KIDINS220: variants seen among roughly 807,000 people sequenced by gnomAD.
KIDINS220 encodes the protein kinase D interacting substrate 220.
A neutral mutation model predicts 157.6 loss-of-function variants in KIDINS220; 63 were observed. The observed-to-expected ratio is 0.40, with a 90% CI of 0.33 to 0.49. The LOEUF is 0.49. Ranked by LOEUF, KIDINS220 falls within the 20% of genes least tolerant of loss-of-function variation. KIDINS220 has a pLI of 0.66. For missense variants in KIDINS220, 1,772 were observed against 2,171.2 expected (o/e 0.82, Z 3.65); for synonymous variants, 732 against 783.6 (o/e 0.93, Z 1.10).
chr2:8,770,036 A>G (rs1164044506), intron 22 of KIDINS220, among the ~76,000 whole-genome samples: 1 of 152,230 alleles, frequency 6.6e-6, no homozygotes, highest in Non-Finnish European at 1.5e-5. Flanking sequence ...TAGGAACTAG[A>G]AAAATAGGAA....
chr2:8,731,320 A>G lies in KIDINS220; in HGVS notation c.4716T>C (p.Tyr1572=), dbSNP rs778720923. Reference sequence around the variant, plus strand: ...TTTTGTCAAGGAGCGCATCCGATAAATACTCTTTGGCTTTAATGAAGGTTC... The same window carrying G: ...TTTTGTCAAGGAGCGCATCCGATAAGTACTCTTTGGCTTTAATGAAGGTTC... The part of the protein sequence containing the change: ...PIRTFIKAKE[Y]LSDALLDKKD... Residue 1572 remains tyrosine (Y), a synonymous_variant, in exon 30 of 30, where the codon TAT becomes TAC. Transcript: ENST00000256707. This position sits in a 1 kb window ranked among gnomAD's most constrained non-coding sequence, Gnocchi z 5.2. 3 of 1,614,010 alleles carry G rather than the reference A, an allele frequency of 1.9e-6. No individual in the cohort carries two copies. The African/African-American group carries it at 4.0e-5, about 22-fold the overall frequency.
At chr2:8,799,145 A>G (rs1674355714) in intron 9 of KIDINS220, among the ~76,000 whole-genome samples, 1 of 152,032 alleles carries the variant, frequency 6.6e-6, no homozygotes, top group African/African-American at 2.4e-5. Context: ...CATGCCTACC[A>G]TCCCACTGCC....
chr2:8,766,503 G>A (rs989079476), intron 22 of KIDINS220, among the ~76,000 whole-genome samples: 1 of 152,094 alleles, frequency 6.6e-6, no homozygotes, highest in Non-Finnish European at 1.5e-5. Flanking sequence ...TATTATATAT[G>A]TTGTTTATTA....
intron 22 of KIDINS220, among the ~76,000 whole-genome samples, chr2:8,762,575 A>G (rs1668895951): frequency 6.6e-6 from 1 of 152,082 alleles, no homozygotes; most frequent in Non-Finnish European, 1.5e-5. Context: ...GTCTCTATTA[A>G]AAATACAAAA....
At chr2:8,742,665 TGAG>T (rs2148003215) in intron 26 of KIDINS220, among the ~76,000 whole-genome samples, 1 of 152,328 alleles carries the variant, frequency 6.6e-6, no homozygotes, top group Admixed American at 6.5e-5. Flanking sequence ...ACCCTGTAGC[TGAG>T]GAGGTCAAGA....
chr2:8,749,042 C>G (rs757015303), intron 24 of KIDINS220, among the ~76,000 whole-genome samples: 4 of 152,158 alleles, frequency 2.6e-5, no homozygotes, highest in Non-Finnish European at 4.4e-5. Context: ...GCCTACCACA[C>G]AGTTAAATTT....
At chr2:8,723,220 G>C (rs1660805202), downstream of KIDINS220, 1 of 152,262 alleles carries the variant, frequency 6.6e-6, no homozygotes, top group Admixed American at 6.5e-5. Context: ...GAAGGCCAAT[G>C]GACTGTGGGT....
intron 10 of KIDINS220, 126 bp from the exon 11 acceptor site, chr2:8,796,995 A>T (rs1215479342): frequency 1.6e-5 from 12 of 733,412 alleles, no homozygotes; most frequent in Non-Finnish European, 2.6e-5. Context: ...CTCTCAAGAA[A>T]ACATAAAAGC....
At chr2:8,798,158 T>C (rs747120825) in intron 10 of KIDINS220, 44 bp downstream of exon 10, 5 of 1,143,252 alleles carry the variant, frequency 4.4e-6, no homozygotes, top group Non-Finnish European at 6.6e-6. Context: ...AGTACTAACA[T>C]TCAGCATAAG....
chr2:8,750,260 G>C lies in KIDINS220; in HGVS notation c.3266C>G (p.Pro1089Arg). 1 of 1,613,894 alleles carries C rather than the reference G, an allele frequency of 6.2e-7. No homozygotes were observed. The highest frequency in any genetic ancestry group is 8.5e-7 in the Non-Finnish European group (1 of 1,179,878). Residue 1089 changes from proline (P) to arginine (R), a missense_variant, in exon 24 of 30, where the codon CCT becomes CGT. Around this residue, in one of 3 missense-constraint regions of KIDINS220, gnomAD observed 793 missense variants for 885.5 expected, o/e 0.90. Coordinates refer to ENST00000256707, the MANE Select transcript of KIDINS220 (RefSeq NM_020738.4). ...CTGGCTGTACCCTGATGGCGCCCTAGGAGGACCCTCATGTAGAGGGAGCGG... is the reference window on the plus strand; with the variant it reads ...CTGGCTGTACCCTGATGGCGCCCTACGAGGACCCTCATGTAGAGGGAGCGG... ...YPPLPLHEGP[P>R]RAPSGYSQPP... is the part of the protein sequence containing the mutation.
intron 15 of KIDINS220, 69 bp from the exon 16 acceptor site, chr2:8,786,426 T>A: frequency 8.3e-7 from 1 of 1,200,526 alleles, no homozygotes; most frequent in South Asian, 1.3e-5. Flanking sequence ...ATGTATGTCA[T>A]CTTTGCATCA....
intron 12 of KIDINS220, among the ~76,000 whole-genome samples, 172 bp from the exon 13 acceptor site, chr2:8,791,396 T>G (rs562348055): frequency 1.3e-5 from 2 of 152,366 alleles, no homozygotes; most frequent in Admixed American, 1.3e-4. Context: ...GAAGGCTACC[T>G]GATTTAAAAT....
intron 23 of KIDINS220, 120 bp downstream of exon 23, chr2:8,751,346 G>C (rs2148053119): frequency 1.5e-6 from 1 of 681,754 alleles, no homozygotes; most frequent in East Asian, 3.1e-5. Flanking sequence ...TTTCTGTGTA[G>C]TGCTTAGTTC....
At chr2:8,778,481 T>A (rs946590695) in intron 20 of KIDINS220, among the ~76,000 whole-genome samples, 158 bp downstream of exon 20, 7 of 152,228 alleles carry the variant, frequency 4.6e-5, no homozygotes, top group African/African-American at 1.7e-4. Flanking sequence ...GTGCAGACAT[T>A]CCCTGAAACA....
intron 22 of KIDINS220, among the ~76,000 whole-genome samples, chr2:8,762,205 T>C (rs1438689804): frequency 1.3e-5 from 2 of 152,238 alleles, no homozygotes; most frequent in Admixed American, 6.5e-5. Context: ...CCAAACACTG[T>C]AGAACTTTGG....
intron 11 of KIDINS220, 31 bp from the exon 12 acceptor site, chr2:8,794,018 T>C (rs1156814465): frequency 8.4e-6 from 13 of 1,539,258 alleles, no homozygotes; most frequent in Non-Finnish European, 1.1e-5. Context: ...ACTTGAACTT[T>C]CTTATCTTTA....
At chr2:8,828,652 A>G (rs1679180936) in intron 1 of KIDINS220, among the ~76,000 whole-genome samples, 1 of 152,248 alleles carries the variant, frequency 6.6e-6, no homozygotes, top group Non-Finnish European at 1.5e-5. Flanking sequence ...ATTAAGAAAG[A>G]TTTGATATAA....
Position 8,793,721 on chromosome 2 carries a change from G to A in KIDINS220, c.1276+89C>T, listed in dbSNP as rs1245756777. The A allele has an allele frequency of 4.9e-6, 6 of 1,231,488 alleles. No homozygotes were observed. In the Admixed American group the frequency reaches 8.3e-5, roughly 17 times the overall value. The allele number at this position is 1,231,488 out of a possible 1,614,324, so 76.3% of individuals were successfully genotyped here. A position where few individuals can be genotyped will look rare whatever the true frequency, so the allele number is the denominator to read the frequency against. On this transcript the variant is annotated intron_variant, in intron 12 of 29. Transcript: ENST00000256707. ...CCTCAAGTGCTGGGATTACAGGCAT[G>A]AGCCACCATGCCTGGCCTTATTTTC...
rs750086954 is a variant in KIDINS220, at chr2:8,730,939, G to A, written c.5097C>T (p.Phe1699=). ...TCTCCCTAATTCCCTCCATCTCATC[G>A]AAATTTTGATTGGCTCTGTTGGCTG... ...SAPANRANQN[F]DEMEGIRETS... is the part of the protein sequence containing the mutation. Residue 1699 remains phenylalanine, a synonymous_variant, in exon 30 of 30, where the codon TTC becomes TTT. Transcript: ENST00000256707. 419 of 1,614,038 alleles carry A rather than the reference G, an allele frequency of 2.6e-4. No homozygotes were observed. Among genetic ancestry groups the A allele is most frequent in the Non-Finnish European group, 3.3e-4 (392 of 1,180,044 alleles).
Sources: allele counts gnomAD v4.1 joint callset (sites outside exome capture counted in the v4.1 genomes callset), GRCh38; gene constraint gnomAD v4.1.1; regional missense constraint gnomAD v4.1.1; non-coding constraint Gnocchi (gnomAD v3.1); transcripts MANE v1.5; gene names NCBI Gene and HGNC (gene_info 2026-07-23, HGNC 2026-07-21).